Variants in TAOK3 observed in about 807,000 individuals in gnomAD.
The protein encoded by TAOK3 is TAO kinase 3.
In TAOK3, 40 loss-of-function variants were observed where a neutral mutation model predicts 120.4. That is an observed-to-expected ratio of 0.33 (90% CI 0.26 to 0.43). TAOK3 has a LOEUF of 0.43. Ranked by LOEUF, TAOK3 falls within the 20% of genes least tolerant of loss-of-function variation. The pLI is 1.00. For synonymous variants in TAOK3, 355 were observed against 387.5 expected, an observed-to-expected ratio of 0.92 and a Z score of 0.99; for missense variants, 821 against 1,112.1, an observed-to-expected ratio of 0.74 and a Z score of 3.72.
chr12:118,262,643 A>G (rs1227226888), intron 2 of TAOK3, among the ~76,000 whole-genome samples: 2 of 151,954 alleles, frequency 1.3e-5, no homozygotes, highest in African/African-American at 2.4e-5. Context: ...CCTGGCCAAC[A>G]TGGTGAAACC....
intron 9 of TAOK3, among the ~76,000 whole-genome samples, chr12:118,217,122 C>T (rs2038947297): frequency 6.6e-6 from 1 of 151,992 alleles, no homozygotes; most frequent in Admixed American, 6.6e-5. Flanking sequence ...TCTAAAATGA[C>T]AAATCGGGCT....
At chr12:118,268,969 T>G (rs12370014) in intron 1 of TAOK3, among the ~76,000 whole-genome samples, 1 of 151,620 alleles carries the variant, frequency 6.6e-6, no homozygotes, top group African/African-American at 2.4e-5. Flanking sequence ...GATCATGCCA[T>G]TGCACTCCGG....
rs2038019955 is a variant in TAOK3 at position 118,201,451 on chromosome 12, G to A, written c.832C>T (p.Arg278Ter). 4 of 1,609,282 alleles carry A rather than the reference G, an allele frequency of 2.5e-6. No individual in the cohort carries two copies. The highest frequency in any genetic ancestry group is 1.3e-5 in the African/African-American group (1 of 74,790). The stretch of plus-strand genomic sequence containing the variant: ...AGGACACGTAGTGGCCGGTCTCGTC[G>A]AACAAAGTCATGCTGATTGAGGGAG... ...SAELLRHDFV[R>*]RDRPLRVLID... is the part of the protein sequence containing the mutation. The change falls in exon 12 of 21, where the codon CGA becomes TGA. Residue 278 changes from arginine (R) to a stop codon, truncating the protein, a stop_gained. Coordinates refer to ENST00000392533, the MANE Select transcript of TAOK3 (RefSeq NM_016281.4). LOFTEE classifies it high-confidence loss of function.
intron 20 of TAOK3, among the ~76,000 whole-genome samples, chr12:118,151,394 G>A (rs1338923807): frequency 1.3e-5 from 2 of 151,994 alleles, no homozygotes; most frequent in African/African-American, 2.4e-5. Context: ...TTTAAAACTT[G>A]CTCACAAGAA....
chr12:118,360,507 G>C (rs1299409508), intron 1 of TAOK3, among the ~76,000 whole-genome samples: 1 of 147,510 alleles, frequency 6.8e-6, no homozygotes, highest in Non-Finnish European at 1.5e-5. Context: ...GGCGGAGCTT[G>C]CAGTGAGCCA....
At chr12:118,294,630 T>A (rs968282163) in intron 1 of TAOK3, among the ~76,000 whole-genome samples, 2 of 152,144 alleles carry the variant, frequency 1.3e-5, no homozygotes, top group Non-Finnish European at 2.9e-5. Flanking sequence ...GTGATCTGCC[T>A]GCCTCGGCCT....
chr12:118,368,634 C>T (rs1390798912), intron 1 of TAOK3, among the ~76,000 whole-genome samples: 6 of 149,592 alleles, frequency 4.0e-5, no homozygotes, highest in East Asian at 2.0e-4. Flanking sequence ...GGTGAAAAAC[C>T]GCTTCTAATA....
At chr12:118,226,168 G>A (rs1294600702) in intron 9 of TAOK3, among the ~76,000 whole-genome samples, 1 of 152,236 alleles carries the variant, frequency 6.6e-6, no homozygotes, top group Non-Finnish European at 1.5e-5. Context: ...AAGGTCAGGA[G>A]ATCGAGACCA....
At chr12:118,166,740 G>A (rs1320764007) in intron 17 of TAOK3, among the ~76,000 whole-genome samples, 1 of 151,492 alleles carries the variant, frequency 6.6e-6, no homozygotes, top group Non-Finnish European at 1.5e-5. Flanking sequence ...AATGAGCTGA[G>A]CAAAAACTAA....
At chr12:118,362,496 C>T (rs567998782) in intron 1 of TAOK3, among the ~76,000 whole-genome samples, 3 of 152,018 alleles carry the variant, frequency 2.0e-5, no homozygotes, top group South Asian at 2.1e-4. Context: ...GCAAAAAATT[C>T]GGCATGTGAG....
intron 1 of TAOK3, among the ~76,000 whole-genome samples, chr12:118,321,502 C>T (rs1043218640): frequency 2.0e-5 from 3 of 152,138 alleles, no homozygotes; most frequent in African/African-American, 7.2e-5. Flanking sequence ...TCAAGCAATC[C>T]TCCTACCTCG....
intron 1 of TAOK3, among the ~76,000 whole-genome samples, chr12:118,295,956 A>G (rs1453007664): frequency 1.3e-5 from 2 of 152,250 alleles, no homozygotes; most frequent in Non-Finnish European, 2.9e-5. Flanking sequence ...AGTAGCTAAT[A>G]CAAAATATTC....
At position 118,247,845 on chromosome 12, in the gene TAOK3, GT is replaced by G. The variant is rs768529963; in HGVS notation, c.121-2881del. Among the ~76,000 whole-genome samples the G allele has an allele frequency of 4.6e-5, 7 of 152,154 alleles. No individual in the cohort carries two copies. The South Asian group carries it at 8.3e-4, about 18-fold the overall frequency. ...TTATTTAAAATATTTAAAACTATTA[GT>G]TTTCTTAAAATTTTCATAAAAATAA... is the stretch of plus-strand genomic sequence containing the variant. On this transcript the variant is annotated intron_variant, in intron 3 of 20. Transcript: ENST00000392533.
intron 1 of TAOK3, among the ~76,000 whole-genome samples, chr12:118,316,385 T>C (rs1054466320): frequency 5.3e-5 from 8 of 152,192 alleles, no homozygotes; most frequent in African/African-American, 1.9e-4. Flanking sequence ...TCATAAAAGA[T>C]AGGATGGTAA....
At chr12:118,354,528 C>T (rs1055520770) in intron 1 of TAOK3, among the ~76,000 whole-genome samples, 2 of 152,080 alleles carry the variant, frequency 1.3e-5, no homozygotes, top group Non-Finnish European at 2.9e-5. Context: ...CTTTGGGAGG[C>T]CAAGGCCAGA....
At chr12:118,303,986 T>G (rs1427890670) in intron 1 of TAOK3, among the ~76,000 whole-genome samples, 2 of 152,166 alleles carry the variant, frequency 1.3e-5, no homozygotes, top group African/African-American at 2.4e-5. Context: ...TCAGGTAACT[T>G]CTCTCTTTAC....
intron 3 of TAOK3, 77 bp from the exon 4 acceptor site, chr12:118,245,042 G>T: frequency 1.1e-6 from 1 of 943,858 alleles, no homozygotes. Flanking sequence ...TTTGACTAGA[G>T]ACTATTTATT....
At chr12:118,339,266 TTCA>T (rs1262681139) in intron 1 of TAOK3, among the ~76,000 whole-genome samples, 1 of 148,308 alleles carries the variant, frequency 6.7e-6, no homozygotes, top group Non-Finnish European at 1.5e-5. Context: ...TTCTCCGTTC[TTCA>T]TCATACTTTT....
intron 9 of TAOK3, among the ~76,000 whole-genome samples, chr12:118,231,004 C>T (rs2039755543): frequency 6.6e-6 from 1 of 152,042 alleles, no homozygotes; most frequent in East Asian, 1.9e-4. Context: ...AATGGAATAA[C>T]ATGATGCCAT....
Sources: gnomAD v4.1 joint callset for allele counts (sites outside exome capture counted in the v4.1 genomes callset) on GRCh38, gnomAD v4.1.1 for gene constraint, MANE v1.5 for transcripts, NCBI Gene and HGNC (gene_info 2026-07-23, HGNC 2026-07-21) for gene names.